The following UNK variants were observed in gnomAD, a reference collection of about 807,000 sequenced individuals.
UNK encodes unk zinc finger.
UNK carries 32 observed loss-of-function variants against 97.6 expected under a neutral mutation model. The observed-to-expected ratio is 0.33, with a 90% CI of 0.25 to 0.44. The LOEUF is 0.44. Ranked by LOEUF, UNK falls within the 20% of genes least tolerant of loss-of-function variation. The pLI, the probability that UNK is intolerant of heterozygous loss-of-function variation, is 1.00. For missense variants in UNK, 771 were observed against 1,098.4 expected, an observed-to-expected ratio of 0.70 and a Z score of 4.21; for synonymous variants, 441 against 461.2, an observed-to-expected ratio of 0.96 and a Z score of 0.56.
At chr17:75,786,490 A>C (rs921339696) in intron 1 of UNK, among the ~76,000 whole-genome samples, 1 of 152,250 alleles carries the variant, frequency 6.6e-6, no homozygotes, top group Non-Finnish European at 1.5e-5. Context: ...TGGAATTGAC[A>C]GGTGAAACAA....
chr17:75,785,195 T>G, intron 1 of UNK: 2 of 492,886 alleles, frequency 4.1e-6, no homozygotes, highest in Non-Finnish European at 7.1e-6. Context: ...GGAAACTCGG[T>G]CCCGGCCGCC....
At chr17:75,823,940 C>T (rs68189149) in intron 15 of UNK, among the ~76,000 whole-genome samples, 20,489 of 152,214 alleles carry the variant, frequency 0.13, 1,466 homozygotes, top group Non-Finnish European at 0.15. Context: ...CCTCTGTTCT[C>T]GGGCAGCCAA....
intron 1 of UNK, among the ~76,000 whole-genome samples, chr17:75,798,317 C>T (rs1305983225): frequency 6.6e-6 from 1 of 152,074 alleles, no homozygotes; most frequent in Non-Finnish European, 1.5e-5. Context: ...GATCCCCCCA[C>T]CTCAGCCTCC....
chr17:75,811,419 C>T (rs896261810), intron 2 of UNK, among the ~76,000 whole-genome samples: 4 of 152,198 alleles, frequency 2.6e-5, no homozygotes, highest in African/African-American at 7.2e-5. Context: ...CTCTTTCTCA[C>T]GGAGGCCCAA....
intron 1 of UNK, among the ~76,000 whole-genome samples, chr17:75,798,226 AC>A (rs975018178): frequency 6.6e-6 from 1 of 152,070 alleles, no homozygotes; most frequent in Non-Finnish European, 1.5e-5. Context: ...GTGTGCCACC[AC>A]ACCCAGCTAA....
chr17:75,784,895 C>G lies in UNK; in HGVS notation c.15C>G (p.Pro5=). Residue 5 remains proline (P), a synonymous_variant, in exon 1 of 16, where the codon CCC becomes CCG. Transcript: ENST00000589666. ...AAGACAAGACCATGTCGAAGGGCCC[C>G]GGGCCCGGCGGCTCCGCAGCTTCCT... The part of the protein sequence containing the change: MSKG[P]GPGGSAASSA... The G allele has an allele frequency of 1.3e-6, 2 of 1,581,460 alleles. No homozygotes were observed. The highest frequency in any genetic ancestry group is 1.7e-6 in the Non-Finnish European group (2 of 1,166,726).
intron 7 of UNK, 48 bp downstream of exon 7, chr17:75,815,301 C>A: frequency 6.4e-7 from 1 of 1,558,816 alleles, no homozygotes; most frequent in Non-Finnish European, 8.8e-7. Flanking sequence ...CCACCCCTCC[C>A]TCGCCTGGCT....
intron 6 of UNK, 100 bp from the exon 7 acceptor site, chr17:75,815,069 C>A: frequency 1.9e-6 from 2 of 1,069,194 alleles, no homozygotes; most frequent in South Asian, 1.4e-5. Context: ...GAACACAGGG[C>A]AAGAGATGAC....
At chr17:75,795,920 A>C (rs2061801906) in intron 1 of UNK, among the ~76,000 whole-genome samples, 1 of 152,174 alleles carries the variant, frequency 6.6e-6, no homozygotes, top group Non-Finnish European at 1.5e-5. Context: ...GCCCCAGTGA[A>C]AAGTGGGCTG....
In UNK at chr17:75,819,505, G is replaced by A. The variant is rs1472897352; in HGVS notation, c.1547-179G>A. The stretch of plus-strand genomic sequence containing the variant: ...TTTGGGTTGGACATGACTGGCAGAC[G>A]GTGTCAGAAGTCAGGAGTCAGGATT... On this transcript the variant is annotated intron_variant, in intron 11 of 15. Coordinates refer to ENST00000589666, the MANE Select transcript of UNK (RefSeq NM_001080419.3). The surrounding 1 kb of genome is among the most constrained non-coding windows in gnomAD (Gnocchi z 5.4). 2.5e-5 allele frequency: 15 copies of A among 608,628 alleles called. No homozygotes were observed. Among genetic ancestry groups the A allele is most frequent in the Middle Eastern group, 4.1e-4 (1 of 2,430 alleles). 37.7% of individuals were successfully genotyped at this position (608,628 alleles called of 1,614,324 possible). A position where few individuals can be genotyped will look rare whatever the true frequency, so the allele number is the denominator to read the frequency against.
At chr17:75,810,388 C>T (rs1198472773) in intron 2 of UNK, among the ~76,000 whole-genome samples, 1 of 151,994 alleles carries the variant, frequency 6.6e-6, no homozygotes, top group African/African-American at 2.4e-5. Context: ...CTGACAGACA[C>T]AGGGAGGTGC....
Position 75,817,057 on chromosome 17 carries a change from C to A in UNK, c.1104+145C>A. 1 of 1,351,514 alleles carries A rather than the reference C, an allele frequency of 7.4e-7. No homozygotes were observed. The highest frequency in any genetic ancestry group is 9.8e-7 in the Non-Finnish European group (1 of 1,018,370). 83.7% of individuals were successfully genotyped at this position (1,351,514 alleles called of 1,614,324 possible). ...GATCTGTCTTTTCCATCTCAGCATT[C>A]TTCGTCAAAAGTCCAGGCCCGGGGG... On this transcript the variant is annotated intron_variant, in intron 8 of 15. Transcript: ENST00000589666. This position sits in a 1 kb window ranked among gnomAD's most constrained non-coding sequence, Gnocchi z 5.8.
chr17:75,797,448 T>C (rs2061816398), intron 1 of UNK, among the ~76,000 whole-genome samples: 1 of 152,264 alleles, frequency 6.6e-6, no homozygotes, highest in Non-Finnish European at 1.5e-5. Flanking sequence ...TTGGCTAGGC[T>C]GGTCTCGAAC....
chr17:75,803,022 A>G lies in UNK; in HGVS notation c.105-6738A>G, dbSNP rs10401030. Among the ~76,000 whole-genome samples, 530 of 72,570 alleles carry G rather than the reference A, an allele frequency of 7.3e-3. 150 individuals are homozygous for G. The highest frequency in any genetic ancestry group is 0.033 in the African/African-American group (151 of 4,606). The allele number at this position is 72,570 out of a possible 152,430, so 47.6% of individuals were successfully genotyped here. A position where few individuals can be genotyped will look rare whatever the true frequency, so the allele number is the denominator to read the frequency against. Reference sequence around the variant, plus strand: ...TCACACCTGTAATCCCAGCACTTTGAGAGGCCAAGGTGGGCGGATCACGAG... The same window carrying G: ...TCACACCTGTAATCCCAGCACTTTGGGAGGCCAAGGTGGGCGGATCACGAG... On this transcript the variant is annotated intron_variant, in intron 1 of 15. Coordinates refer to ENST00000589666, the MANE Select transcript of UNK (RefSeq NM_001080419.3).
intron 6 of UNK, 133 bp from the exon 7 acceptor site, chr17:75,815,036 G>A (rs1190353193): frequency 1.4e-6 from 1 of 708,228 alleles, no homozygotes; most frequent in Non-Finnish European, 2.4e-6. Context: ...GAGAGACATA[G>A]TGGAGGGGAG....
At chr17:75,799,147 C>CA (rs796279395) in intron 1 of UNK, among the ~76,000 whole-genome samples, 1 of 151,068 alleles carries the variant, frequency 6.6e-6, no homozygotes, top group Non-Finnish European at 1.5e-5. Context: ...CTCATCTCTA[C>CA]AAAAAAATAC....
At chr17:75,794,772 C>G (rs1278564554) in intron 1 of UNK, among the ~76,000 whole-genome samples, 1 of 152,140 alleles carries the variant, frequency 6.6e-6, no homozygotes, top group Non-Finnish European at 1.5e-5. Context: ...TGACTTACCT[C>G]TTTGTGTATC....
Position 75,817,359 on chromosome 17 carries a change from T to C in UNK, c.1138T>C (p.Ser380Pro). 1 of 1,607,334 alleles carries C rather than the reference T, an allele frequency of 6.2e-7. No homozygotes were observed. The highest frequency in any genetic ancestry group is 8.5e-7 in the Non-Finnish European group (1 of 1,176,238). The change falls in exon 9 of 16, where the codon TCT becomes CCT. Residue 380 changes from serine (S) to proline (P), a missense_variant. By Grantham distance (74) the Ser-to-Pro change is moderately conservative. Coordinates refer to ENST00000589666, the MANE Select transcript of UNK (RefSeq NM_001080419.3). The surrounding 1 kb of genome is among the most constrained non-coding windows in gnomAD (Gnocchi z 5.8). Reference sequence around the variant, plus strand: ...TAGAAACAGCAGCCTAGGCAGCCCGTCTAACCTCTGCGGCTCCCCACCGGG... The same window carrying C: ...TAGAAACAGCAGCCTAGGCAGCCCGCCTAACCTCTGCGGCTCCCCACCGGG... ...LCRNSSLGSP[S>P]NLCGSPPGSI...
At chr17:75,822,726 C>T (rs1360742386) in intron 14 of UNK, 68 bp downstream of exon 14, 1 of 1,462,322 alleles carries the variant, frequency 6.8e-7, no homozygotes, top group East Asian at 2.6e-5. Flanking sequence ...CCTTCCTTCA[C>T]AGAGTGGGCG....
Sources: gnomAD v4.1 joint callset for allele counts (sites outside exome capture counted in the v4.1 genomes callset) on GRCh38, gnomAD v4.1.1 for gene constraint, Gnocchi (gnomAD v3.1) non-coding constraint, MANE v1.5 for transcripts, NCBI Gene and HGNC (gene_info 2026-07-23, HGNC 2026-07-21) for gene names.